The following NRG1 variants were observed in gnomAD, a reference collection of about 807,000 sequenced individuals.
NRG1 encodes pro-neuregulin-1, membrane-bound isoform.
Under a neutral mutation model 63.8 loss-of-function variants are expected in NRG1, and 18 were observed. That is an observed-to-expected ratio of 0.28 (90% CI 0.19 to 0.42). NRG1 has a LOEUF of 0.42. NRG1 is among the 10% of genes least tolerant of loss of function. The probability of loss-of-function intolerance (pLI) is 1.00; values close to 1 mark genes in which losing one functional copy is unlikely to be tolerated. For synonymous variants in NRG1, 302 were observed against 301.3 expected (o/e 1.00, Z -0.02); for missense variants, 762 against 814.7 (o/e 0.94, Z 0.79).
At chr8:32,215,104 TATACTA>T (rs948861255) in intron 1 of NRG1, among the ~76,000 whole-genome samples, 4 of 152,356 alleles carry the variant, frequency 2.6e-5, no homozygotes, top group African/African-American at 7.2e-5. Flanking sequence ...TATGCTTACT[TATACTA>T]ATATATATAC....
chr8:31,919,876 A>G (rs534720405), intron 1 of NRG1, among the ~76,000 whole-genome samples: 1 of 152,268 alleles, frequency 6.6e-6, no homozygotes, highest in Non-Finnish European at 1.5e-5. Context: ...CATGGGGTAG[A>G]AGAGAAAAAA....
chr8:32,521,680 CAAAG>C (rs1360625492), intron 1 of NRG1, among the ~76,000 whole-genome samples: 1 of 152,058 alleles, frequency 6.6e-6, no homozygotes, highest in African/African-American at 2.4e-5. Flanking sequence ...GTGATCGTTT[CAAAG>C]ATTGAAACTG....
chr8:32,131,907 G>A (rs1381170857), intron 1 of NRG1, among the ~76,000 whole-genome samples: 21 of 151,836 alleles, frequency 1.4e-4, no homozygotes, highest in Admixed American at 8.6e-4. Flanking sequence ...AAAGATTCCT[G>A]GATTTTTTTC....
chr8:32,401,973 C>T lies in NRG1; in HGVS notation c.38-193855C>T, dbSNP rs376078549. Among the ~76,000 whole-genome samples the T allele has an allele frequency of 7.9e-5, 12 of 152,050 alleles. No homozygotes were observed. In the East Asian group the frequency reaches 1.5e-3, roughly 20 times the overall value. On this transcript the variant is annotated intron_variant, in intron 1 of 10. Transcript: ENST00000519301. Reference sequence around the variant, plus strand: ...TTGCCCAGGCTGGAGTGCAGTGGCGCGATCTTGGTTCACTGCAACCTCTGC... The same window carrying T: ...TTGCCCAGGCTGGAGTGCAGTGGCGTGATCTTGGTTCACTGCAACCTCTGC...
chr8:32,747,461 G>A (rs1827660868), intron 7 of NRG1, among the ~76,000 whole-genome samples: 1 of 151,544 alleles, frequency 6.6e-6, no homozygotes, highest in African/African-American at 2.4e-5. Context: ...AAGCAAATGG[G>A]AAAAAAAATG....
At chr8:32,208,640 C>A (rs942146373) in intron 1 of NRG1, among the ~76,000 whole-genome samples, 1 of 152,034 alleles carries the variant, frequency 6.6e-6, no homozygotes, top group African/African-American at 2.4e-5. Flanking sequence ...GAAATATAAT[C>A]AGCAATGCAG....
intron 1 of NRG1, among the ~76,000 whole-genome samples, chr8:31,759,472 A>G (rs1047734485): frequency 6.6e-6 from 1 of 152,056 alleles, no homozygotes; most frequent in Non-Finnish European, 1.5e-5. Context: ...TTATTCTAGT[A>G]CATTCATCAA....
intron 1 of NRG1, among the ~76,000 whole-genome samples, chr8:31,914,297 T>C (rs1280496296): frequency 5.8e-5 from 1 of 17,300 alleles, no homozygotes; most frequent in East Asian, 0.026. Context: ...ATGTCACCCT[T>C]TTTTTTTTTT....
intron 3 of NRG1, among the ~76,000 whole-genome samples, chr8:32,610,406 T>C (rs1846175251): frequency 6.6e-6 from 1 of 152,200 alleles, no homozygotes. Context: ...CCTTGCTGTT[T>C]GGCATGATGT....
At chr8:32,403,741 G>A (rs1346029046) in intron 1 of NRG1, among the ~76,000 whole-genome samples, 4 of 152,142 alleles carry the variant, frequency 2.6e-5, no homozygotes, top group Non-Finnish European at 4.4e-5. Context: ...ACATCCTAGA[G>A]AGTGAGAGTT....
intron 1 of NRG1, among the ~76,000 whole-genome samples, chr8:32,019,353 C>T (rs1563686219): frequency 6.6e-6 from 1 of 152,212 alleles, no homozygotes; most frequent in South Asian, 2.1e-4. Flanking sequence ...TCGCCTTGGC[C>T]TCCCAAACAG....
intron 1 of NRG1, among the ~76,000 whole-genome samples, chr8:32,003,641 A>C (rs1195681645): frequency 2.0e-5 from 3 of 152,066 alleles, no homozygotes; most frequent in Non-Finnish European, 4.4e-5. Flanking sequence ...TATTTGAAGA[A>C]TATTGTATTC....
intron 1 of NRG1, among the ~76,000 whole-genome samples, chr8:31,885,763 T>C (rs1324972180): frequency 1.3e-5 from 2 of 152,118 alleles, no homozygotes; most frequent in African/African-American, 2.4e-5. Context: ...CAGTTGTGTT[T>C]TGCTGCTGAG....
At chr8:31,710,661 C>A (rs1330374018) in intron 1 of NRG1, among the ~76,000 whole-genome samples, 1 of 151,962 alleles carries the variant, frequency 6.6e-6, no homozygotes, top group Non-Finnish European at 1.5e-5. Flanking sequence ...TACTTGGATT[C>A]TTTTCTGTTT....
intron 1 of NRG1, among the ~76,000 whole-genome samples, chr8:32,113,436 A>G (rs916843541): frequency 3.9e-5 from 6 of 152,112 alleles, no homozygotes; most frequent in Admixed American, 6.5e-5. Context: ...AGTTCTCTGC[A>G]GGCAGCCCAG....
At chr8:32,065,041 A>G (rs1264309169) in intron 1 of NRG1, among the ~76,000 whole-genome samples, 3 of 151,996 alleles carry the variant, frequency 2.0e-5, no homozygotes, top group African/African-American at 7.2e-5. Flanking sequence ...CTTTATTAAT[A>G]TATGGAATTT....
chr8:32,401,793 C>A (rs1287484492), intron 1 of NRG1, among the ~76,000 whole-genome samples: 1 of 152,182 alleles, frequency 6.6e-6, no homozygotes, highest in Non-Finnish European at 1.5e-5. Flanking sequence ...TACTATGCTT[C>A]ATACCTGGGT....
At chr8:32,145,114 A>G in intron 1 of NRG1, among the ~76,000 whole-genome samples, 1 of 152,210 alleles carries the variant, frequency 6.6e-6, no homozygotes, top group East Asian at 1.9e-4. Flanking sequence ...GGAAAAAACT[A>G]AGGGTTTAGA....
intron 1 of NRG1, chr8:31,639,997 CGCGCCCCGCGCCGCTCCGG>C: frequency 8.9e-7 from 1 of 1,124,634 alleles, no homozygotes; most frequent in Non-Finnish European, 1.1e-6. Context: ...GAGATGGCGA[CGCGCCCCGCGCCGCTCCGG>C]GCGTCCCGGC....
Sources: gnomAD v4.1 joint callset for allele counts (sites outside exome capture counted in the v4.1 genomes callset) on GRCh38, gnomAD v4.1.1 for gene constraint, MANE v1.5 for transcripts, NCBI Gene and HGNC (gene_info 2026-07-23, HGNC 2026-07-21) for gene names.